The following MAFF variants were observed in gnomAD, a reference collection of about 807,000 sequenced individuals.
The protein encoded by MAFF is transcription factor MafF.
In MAFF, 4 loss-of-function variants were observed where a neutral mutation model predicts 2.7. That is an observed-to-expected ratio of 1.48 (90% CI 0.73 to 3.39). MAFF has a LOEUF of 3.39. MAFF is among the 30% of genes most tolerant of loss of function. The probability of loss-of-function intolerance (pLI) is 0.01; values close to 1 mark genes in which losing one functional copy is unlikely to be tolerated. For missense variants in MAFF, 190 were observed against 246.6 expected (o/e 0.77, Z 1.54); for synonymous variants, 113 against 119.4 (o/e 0.95, Z 0.35).
At chr22:38,207,877 C>T (rs750495468) in intron 1 of MAFF, among the ~76,000 whole-genome samples, 1 of 152,192 alleles carries the variant, frequency 6.6e-6, no homozygotes, top group African/African-American at 2.4e-5. Flanking sequence ...CTCTATTGTC[C>T]TCTCTGGGCA....
intron 1 of MAFF, among the ~76,000 whole-genome samples, chr22:38,205,039 G>C (rs766237306): frequency 7.9e-5 from 12 of 152,130 alleles, no homozygotes; most frequent in Non-Finnish European, 1.5e-4. Flanking sequence ...AGGTGGAGAA[G>C]AGGGCTAGTC....
intron 1 of MAFF, chr22:38,203,760 C>G (rs4820323): frequency 0.58 from 88,541 of 152,152 alleles, 25,985 homozygotes; most frequent in East Asian, 0.64. Flanking sequence ...TACAGCAGCC[C>G]GGACCCTCAG....
At chr22:38,212,882 T>A (rs1452518828) in intron 1 of MAFF, among the ~76,000 whole-genome samples, 1 of 151,902 alleles carries the variant, frequency 6.6e-6, no homozygotes, top group Non-Finnish European at 1.5e-5. Flanking sequence ...TTCTGAAAAA[T>A]TGGCTGGGCA....
intron 1 of MAFF, among the ~76,000 whole-genome samples, chr22:38,207,423 CTTTTTTTTTTTTTTTTTT>C (rs71195092): frequency 8.9e-5 from 7 of 78,300 alleles, no homozygotes; most frequent in East Asian, 3.9e-4. Context: ...GCTTGGCCAT[CTTTTTTTTTTTTTTTTTT>C]TTTTTTTTTT....
Position 38,214,928 on chromosome 22 carries a change from C to G in MAFF, c.*50C>G. 1 of 1,377,124 alleles carries G rather than the reference C, an allele frequency of 7.3e-7. No individual in the cohort carries two copies. The allele number at this position is 1,377,124 out of a possible 1,614,324, so 85.3% of individuals were successfully genotyped here. A position where few individuals can be genotyped will look rare whatever the true frequency, so the allele number is the denominator to read the frequency against. On this transcript the variant is annotated 3_prime_UTR_variant, in exon 3 of 3. Transcript: ENST00000338483. This position sits in a 1 kb window ranked among gnomAD's most constrained non-coding sequence, Gnocchi z 6.3. ...CACGCCCCTCCGGCCTCAGCTCCCTCCCCAAAGTGCCTGAGCGCCGCCTCT... is the reference window on the plus strand; with the variant it reads ...CACGCCCCTCCGGCCTCAGCTCCCTGCCCAAAGTGCCTGAGCGCCGCCTCT...
Position 38,214,763 on chromosome 22 carries a change from C to G in MAFF, c.380C>G (p.Pro127Arg). The G allele has an allele frequency of 7.0e-7, 1 of 1,422,406 alleles. No individual in the cohort carries two copies. 88.1% of individuals were successfully genotyped at this position (1,422,406 alleles called of 1,614,324 possible). The change falls in exon 3 of 3, where the codon CCC becomes CGC. Residue 127 changes from proline to arginine, a missense_variant. Pro to Arg is a moderately radical substitution (Grantham distance 103). Around this residue, in one of 2 missense-constraint regions of MAFF, gnomAD observed 103 missense variants for 103.0 expected, o/e 1.00. Coordinates refer to ENST00000338483, the MANE Select transcript of MAFF (RefSeq NM_012323.4). The surrounding 1 kb of genome is among the most constrained non-coding windows in gnomAD (Gnocchi z 6.3). Reference sequence around the variant, plus strand: ...CGCTCCGTGGCCGCCGCCCGCGGGCCCGCCACGCTCGTGGCGCCGGCCAGC... The same window carrying G: ...CGCTCCGTGGCCGCCGCCCGCGGGCGCGCCACGCTCGTGGCGCCGGCCAGC... Reference protein sequence around the residue: ...FARSVAAARGPATLVAPASVI... With the variant: ...FARSVAAARGRATLVAPASVI...
rs765060472 is a variant in MAFF at position 38,214,342 on chromosome 22, G to A, written c.37-78G>A. On this transcript the variant is annotated intron_variant, in intron 2 of 2. Coordinates refer to ENST00000338483, the MANE Select transcript of MAFF (RefSeq NM_012323.4). The surrounding 1 kb of genome is among the most constrained non-coding windows in gnomAD (Gnocchi z 6.3). ...CACCCACCACCTCGGCGGCTAAGGC[G>A]GTGAAAGAGGAACACCGCGGGTGGA... The A allele has an allele frequency of 2.9e-4, 398 of 1,363,588 alleles. 1 individual carries two copies. Among genetic ancestry groups the A allele is most frequent in the African/African-American group, 9.3e-4 (64 of 68,510 alleles). The allele number at this position is 1,363,588 out of a possible 1,614,324, so 84.5% of individuals were successfully genotyped here.
intron 1 of MAFF, among the ~76,000 whole-genome samples, chr22:38,213,345 G>C (rs1011921885): frequency 1.3e-5 from 2 of 152,162 alleles, no homozygotes; most frequent in African/African-American, 2.4e-5. Flanking sequence ...ACCAGGCACT[G>C]ATTTAGGCAT....
intron 1 of MAFF, among the ~76,000 whole-genome samples, chr22:38,207,998 C>T (rs1031264449): frequency 6.6e-6 from 1 of 152,194 alleles, no homozygotes; most frequent in Non-Finnish European, 1.5e-5. Context: ...CAGGCAAGTG[C>T]TGCCCCTCTC....
In MAFF at chr22:38,214,884, G is replaced by T. The variant is rs1030671769; in HGVS notation, c.*6G>T. ...GCCCGGCCTCCTGCTCCTAGTGCCC[G>T]CCCCCGCCATGCCTCAGCCACGCCC... On this transcript the variant is annotated 3_prime_UTR_variant, in exon 3 of 3. Transcript: ENST00000338483. This position sits in a 1 kb window ranked among gnomAD's most constrained non-coding sequence, Gnocchi z 6.3. The T allele has an allele frequency of 8.1e-6, 12 of 1,478,420 alleles. No homozygotes were observed. The African/African-American group carries it at 1.5e-4, about 18-fold the overall frequency. The allele number at this position is 1,478,420 out of a possible 1,614,324, so 91.6% of individuals were successfully genotyped here.
At position 38,202,965 on chromosome 22, in the gene MAFF, C is replaced by T. The variant is rs1167321944; in HGVS notation, c.-32+753C>T. The T allele has an allele frequency of 6.6e-6, 1 of 152,422 alleles. No homozygotes were observed. The highest frequency in any genetic ancestry group is 2.4e-5 in the African/African-American group (1 of 41,442). The allele number at this position is 152,422 out of a possible 1,614,324, so 9.4% of individuals were successfully genotyped here. ...ACGTGACCCCAGTGTTTGTCTCCCG[C>T]CCAGAGCCCGCGCCCGCAGCCACAG... On this transcript the variant is annotated intron_variant, in intron 1 of 2. Coordinates refer to ENST00000338483, the MANE Select transcript of MAFF (RefSeq NM_012323.4). The surrounding 1 kb of genome is among the most constrained non-coding windows in gnomAD (Gnocchi z 7.4).
intron 1 of MAFF, among the ~76,000 whole-genome samples, chr22:38,204,723 A>G (rs2091038963): frequency 1.3e-5 from 2 of 152,300 alleles, no homozygotes; most frequent in South Asian, 4.1e-4. Flanking sequence ...GGAAACATTC[A>G]GGGATAGTAG....
In MAFF at chr22:38,211,319, C is replaced by T. The variant is rs537914586; in HGVS notation, c.-31-2504C>T. On this transcript the variant is annotated intron_variant, in intron 1 of 2. Coordinates refer to ENST00000338483, the MANE Select transcript of MAFF (RefSeq NM_012323.4). ...TTGGCTCACTGCAACCTCCGCCTCC[C>T]GGGTTCAAGCGATTCTTTTGTCTCA... 2.8e-3 allele frequency among the ~76,000 whole-genome samples: 422 copies of T among 151,916 alleles called. 4 individuals carry two copies. The highest frequency in any genetic ancestry group is 9.4e-3 in the African/African-American group (389 of 41,408).
chr22:38,214,391 C>T lies in MAFF; in HGVS notation c.37-29C>T, dbSNP rs904792857. On this transcript the variant is annotated intron_variant, in intron 2 of 2. Coordinates refer to ENST00000338483, the MANE Select transcript of MAFF (RefSeq NM_012323.4). This position sits in a 1 kb window ranked among gnomAD's most constrained non-coding sequence, Gnocchi z 6.3. ...GAGCGGGGGGGCCCGTCCCCAGTCC[C>T]CTGGACCTCAGTTTCCTCATGCCCG... 2.6e-6 allele frequency: 4 copies of T among 1,558,612 alleles called. No homozygotes were observed. The highest frequency in any genetic ancestry group is 3.5e-6 in the Non-Finnish European group (4 of 1,151,384).
chr22:38,210,225 C>T (rs1462712188), intron 1 of MAFF, among the ~76,000 whole-genome samples: 4 of 152,240 alleles, frequency 2.6e-5, no homozygotes, highest in African/African-American at 7.2e-5. Context: ...ACCCCTAAGA[C>T]TCTCCTGCTT....
At chr22:38,209,043 GT>G (rs58201998) in intron 1 of MAFF, among the ~76,000 whole-genome samples, 10,844 of 148,296 alleles carry the variant, frequency 0.073, 1,284 homozygotes, top group African/African-American at 0.25. Flanking sequence ...ACCATGGAAG[GT>G]TTTTTTTTTG....
chr22:38,214,736 C>A lies in MAFF; in HGVS notation c.353C>A (p.Ala118Glu). The change falls in exon 3 of 3, where the codon GCG (alanine) becomes GAG (glutamate). Residue 118 changes from alanine to glutamate, a missense_variant. By Grantham distance (107) the Ala-to-Glu change is moderately radical. This residue lies in a region of MAFF where 103 missense variants were observed against 103.0 expected (regional missense o/e 1.00). Coordinates refer to ENST00000338483, the MANE Select transcript of MAFF (RefSeq NM_012323.4). The surrounding 1 kb of genome is among the most constrained non-coding windows in gnomAD (Gnocchi z 6.3). ...RGKCEALQGF[A>E]RSVAAARGPA... ...AAGTGCGAGGCGCTGCAGGGCTTCG[C>A]GCGCTCCGTGGCCGCCGCCCGCGGG... 3 of 1,435,066 alleles carry A rather than the reference C, an allele frequency of 2.1e-6. No homozygotes were observed. The highest frequency in any genetic ancestry group is 1.8e-6 in the Non-Finnish European group (2 of 1,103,734). 88.9% of individuals were successfully genotyped at this position (1,435,066 alleles called of 1,614,324 possible).
At chr22:38,212,812 T>A (rs2091111064) in intron 1 of MAFF, among the ~76,000 whole-genome samples, 1 of 152,106 alleles carries the variant, frequency 6.6e-6, no homozygotes, top group African/African-American at 2.4e-5. Context: ...TGTAAAGGCA[T>A]TTACTGGTGC....
At chr22:38,209,383 A>G (rs148110808) in intron 1 of MAFF, among the ~76,000 whole-genome samples, 1 of 152,180 alleles carries the variant, frequency 6.6e-6, no homozygotes, top group East Asian at 1.9e-4. Flanking sequence ...GAAGGCTTTA[A>G]TCTGGCTGGT....
Sources: allele counts gnomAD v4.1 joint callset (sites outside exome capture counted in the v4.1 genomes callset), GRCh38; gene constraint gnomAD v4.1.1; regional missense constraint gnomAD v4.1.1; non-coding constraint Gnocchi (gnomAD v3.1); transcripts MANE v1.5; gene names NCBI Gene and HGNC (gene_info 2026-07-23, HGNC 2026-07-21).